Variants in SLC25A26 observed in about 807,000 individuals in gnomAD.
SLC25A26 encodes solute carrier family 25 member 26.
A neutral mutation model predicts 37.8 loss-of-function variants in SLC25A26; 36 were observed. The observed-to-expected ratio is 0.95, with a 90% CI of 0.73 to 1.26. The LOEUF (loss-of-function observed/expected upper bound fraction) is 1.26, where lower values mean the gene tolerates loss of function less well. SLC25A26 is among the 50% of genes most tolerant of loss of function. The probability of loss-of-function intolerance (pLI) is 0.00; values close to 1 mark genes in which losing one functional copy is unlikely to be tolerated. For synonymous variants in SLC25A26, 129 were observed against 122.5 expected, an observed-to-expected ratio of 1.05 and a Z score of -0.35; for missense variants, 390 against 331.1, an observed-to-expected ratio of 1.18 and a Z score of -1.38.
At chr3:66,362,309 T>C (rs1462366171) in intron 6 of SLC25A26, among the ~76,000 whole-genome samples, 2 of 152,132 alleles carry the variant, frequency 1.3e-5, no homozygotes, top group Non-Finnish European at 2.9e-5. Context: ...AACAGGTAAA[T>C]GCGTAAATCA....
chr3:66,140,869 A>G (rs999368178), intron 1 of SLC25A26, among the ~76,000 whole-genome samples: 1 of 152,166 alleles, frequency 6.6e-6, no homozygotes, highest in Non-Finnish European at 1.5e-5. Flanking sequence ...TGATTGAACT[A>G]ACAGGTTCCG....
At chr3:66,173,502 G>C (rs2070530475) in intron 1 of SLC25A26, among the ~76,000 whole-genome samples, 1 of 152,162 alleles carries the variant, frequency 6.6e-6, no homozygotes, top group Admixed American at 6.5e-5. Flanking sequence ...AAGCTTGCTA[G>C]GCTTCCTTTG....
At chr3:66,277,698 T>C (rs914825861) in intron 5 of SLC25A26, among the ~76,000 whole-genome samples, 1 of 152,032 alleles carries the variant, frequency 6.6e-6, no homozygotes, top group Non-Finnish European at 1.5e-5. Context: ...AAGGGGAAAA[T>C]AGTAATTTTA....
intron 1 of SLC25A26, among the ~76,000 whole-genome samples, chr3:66,165,213 T>A (rs2070409421): frequency 6.6e-6 from 1 of 152,202 alleles, no homozygotes; most frequent in Admixed American, 6.5e-5. Context: ...TTGCCAGTCA[T>A]GCGAGTGAGC....
chr3:66,199,530 G>A (rs1385714215), intron 1 of SLC25A26, among the ~76,000 whole-genome samples: 2 of 151,916 alleles, frequency 1.3e-5, no homozygotes, highest in Non-Finnish European at 2.9e-5. Flanking sequence ...ACCTGACCCT[G>A]TCCCTGGCAC....
At chr3:66,254,617 ATGTG>A (rs1201691243) in intron 3 of SLC25A26, among the ~76,000 whole-genome samples, 2 of 152,242 alleles carry the variant, frequency 1.3e-5, no homozygotes, top group African/African-American at 4.8e-5. Flanking sequence ...AGTGCATTAG[ATGTG>A]TGTAAGTATG....
intron 1 of SLC25A26, among the ~76,000 whole-genome samples, chr3:66,221,527 T>C (rs2071495328): frequency 6.6e-6 from 1 of 152,176 alleles, no homozygotes; most frequent in African/African-American, 2.4e-5. Context: ...TTCTATTCAA[T>C]ACTACGTTTC....
chr3:66,313,107 C>T (rs1266711330), intron 5 of SLC25A26, among the ~76,000 whole-genome samples: 2 of 152,144 alleles, frequency 1.3e-5, no homozygotes, highest in African/African-American at 4.8e-5. Flanking sequence ...GTTTCTTTTG[C>T]TGTGCAGAAG....
intron 5 of SLC25A26, among the ~76,000 whole-genome samples, chr3:66,309,884 T>C (rs1406547680): frequency 6.6e-6 from 1 of 152,208 alleles, no homozygotes; most frequent in Non-Finnish European, 1.5e-5. Flanking sequence ...TGATTTCCAT[T>C]ATTTTGCATT....
In SLC25A26 at chr3:66,215,611, G is replaced by A. The variant is rs892751915; in HGVS notation, c.-353-5131G>A. Among the ~76,000 whole-genome samples, 3 of 152,286 alleles carry A rather than the reference G, an allele frequency of 2.0e-5. No individual in the cohort carries two copies. The South Asian group carries it at 6.2e-4, about 32-fold the overall frequency. The stretch of plus-strand genomic sequence containing the variant: ...AGTCCCAAAAGCATTTATTGAAAGA[G>A]TCATCTTTTTCTCTCTCACTAATTT... On this transcript the variant is annotated intron_variant, in intron 1 of 10. Coordinates refer to the SLC25A26 transcript ENST00000676754.
rs1351238670 is a variant in SLC25A26, at chr3:66,227,133, T to C, written c.33+6006T>C. Among the ~76,000 whole-genome samples, 7 of 152,356 alleles carry C rather than the reference T, an allele frequency of 4.6e-5. 1 individual carries two copies. Among genetic ancestry groups the C allele is most frequent in the East Asian group, 1.9e-4 (1 of 5,184 alleles). The stretch of plus-strand genomic sequence containing the variant: ...CTTTCAATGTTGTGAGTTCGTTTAA[T>C]GCGAAGACTTGCTGACATAACTTAG... On this transcript the variant is annotated intron_variant, in intron 1 of 9. Coordinates refer to ENST00000354883, the MANE Select transcript of SLC25A26 (RefSeq NM_001379210.1).
intron 1 of SLC25A26, among the ~76,000 whole-genome samples, chr3:66,204,918 G>A (rs990246417): frequency 0.023 from 3,515 of 152,260 alleles, 132 homozygotes; most frequent in African/African-American, 0.079. Flanking sequence ...TATGGAACTA[G>A]CAGGTAGGGA....
At position 66,239,936 on chromosome 3, in the gene SLC25A26, T is replaced by C. The variant is rs2072492677; in HGVS notation, c.190+3236T>C. Among the ~76,000 whole-genome samples, 6 of 151,740 alleles carry C rather than the reference T, an allele frequency of 4.0e-5. No homozygotes were observed. The South Asian group carries it at 1.2e-3, about 32-fold the overall frequency. On this transcript the variant is annotated intron_variant, in intron 2 of 9. Transcript: ENST00000354883. ...GTACCTAACAAGCAATTTGACTCTCTCTTGTAATGTCATGACTCCTTTCTG... is the reference window on the plus strand; with the variant it reads ...GTACCTAACAAGCAATTTGACTCTCCCTTGTAATGTCATGACTCCTTTCTG...
intron 5 of SLC25A26, among the ~76,000 whole-genome samples, chr3:66,296,897 C>A (rs762350772): frequency 9.9e-5 from 15 of 152,234 alleles, no homozygotes; most frequent in Non-Finnish European, 1.9e-4. Flanking sequence ...TTTCCACACT[C>A]CCTGAACAGA....
intron 1 of SLC25A26, among the ~76,000 whole-genome samples, chr3:66,208,848 A>G (rs1176716153): frequency 1.9e-4 from 19 of 100,096 alleles, no homozygotes; most frequent in Admixed American, 8.9e-4. Context: ...ACATATATAT[A>G]TATACCTTTA....
chr3:66,349,443 T>A (rs1299874167), intron 6 of SLC25A26, among the ~76,000 whole-genome samples: 1 of 151,938 alleles, frequency 6.6e-6, no homozygotes, highest in Non-Finnish European at 1.5e-5. Context: ...ATCATAGAAA[T>A]AGATACAGGG....
rs967727103 is a variant in SLC25A26, at chr3:66,206,338, C to A, written c.-353-14404C>A. On this transcript the variant is annotated intron_variant, in intron 1 of 10. Coordinates refer to the SLC25A26 transcript ENST00000676754. The stretch of plus-strand genomic sequence containing the variant: ...CATTTTGGAACCAACAAACTTCATA[C>A]TGAGGTAGATCCAGGGCTGCCACAT... Among the ~76,000 whole-genome samples, 424 of 152,298 alleles carry A rather than the reference C, an allele frequency of 2.8e-3. 1 individual carries two copies. The highest frequency in any genetic ancestry group is 9.5e-3 in the African/African-American group (393 of 41,578).
At chr3:66,270,221 A>G (rs1364020319) in intron 5 of SLC25A26, among the ~76,000 whole-genome samples, 2 of 152,156 alleles carry the variant, frequency 1.3e-5, no homozygotes, top group Non-Finnish European at 2.9e-5. Flanking sequence ...AGTAGTTTTT[A>G]TAAGTCTGGT....
intron 3 of SLC25A26, among the ~76,000 whole-genome samples, chr3:66,255,043 T>C (rs2073246813): frequency 6.6e-6 from 1 of 152,246 alleles, no homozygotes; most frequent in Non-Finnish European, 1.5e-5. Context: ...GCAGCATCCA[T>C]CTCTCTTTTC....
Sources: gnomAD v4.1 joint callset for allele counts (sites outside exome capture counted in the v4.1 genomes callset) on GRCh38, gnomAD v4.1.1 for gene constraint, MANE v1.5 for transcripts, NCBI Gene and HGNC (gene_info 2026-07-23, HGNC 2026-07-21) for gene names.